Variants in PRKN observed in about 807,000 individuals in gnomAD.
PRKN encodes the protein E3 ubiquitin-protein ligase parkin.
A neutral mutation model predicts 59.5 loss-of-function variants in PRKN; 56 were observed. The observed-to-expected ratio is 0.94, with a 90% CI of 0.76 to 1.18. The LOEUF is 1.18. Ranked by LOEUF, PRKN falls within the 50% of genes most tolerant of loss-of-function variation. PRKN has a pLI of 0.00. For synonymous variants in PRKN, 250 were observed against 222.1 expected (o/e 1.13, Z -1.12); for missense variants, 657 against 596.4 (o/e 1.10, Z -1.06).
rs1331123126 is a variant in PRKN, at chr6:161,428,312, T to C, written c.1084-41435A>G. 3.3e-5 allele frequency among the ~76,000 whole-genome samples: 5 copies of C among 152,156 alleles called. No individual in the cohort carries two copies. Among genetic ancestry groups the C allele is most frequent in the Admixed American group, 3.3e-4 (5 of 15,276 alleles). ...CTGCTACCTGATATTGAGGAAGGTA[T>C]AAGGTGTCAGATTCCTGCTGGGACT... On this transcript the variant is annotated intron_variant, in intron 9 of 11. Coordinates refer to ENST00000366898, the MANE Select transcript of PRKN (RefSeq NM_004562.3). The surrounding 1 kb of genome is among the most constrained non-coding windows in gnomAD (Gnocchi z 4.0).
At chr6:161,792,491 G>A (rs911665696) in intron 6 of PRKN, among the ~76,000 whole-genome samples, 19 of 152,178 alleles carry the variant, frequency 1.2e-4, no homozygotes, top group African/African-American at 4.6e-4. Flanking sequence ...CCAGTGGAAA[G>A]CAAAGTTATT....
intron 1 of PRKN, among the ~76,000 whole-genome samples, chr6:162,700,797 C>T (rs980242394): frequency 1.3e-4 from 20 of 151,894 alleles, no homozygotes; most frequent in Admixed American, 6.6e-5. Flanking sequence ...TTTCTCTCAA[C>T]TTAAAAAAGC....
At chr6:161,992,853 G>T (rs1440216679) in intron 5 of PRKN, among the ~76,000 whole-genome samples, 1 of 152,130 alleles carries the variant, frequency 6.6e-6, no homozygotes, top group Admixed American at 6.5e-5. Flanking sequence ...GCTCCTGAAT[G>T]ACCATTAGGT....
At chr6:162,630,465 A>G (rs966978869) in intron 1 of PRKN, among the ~76,000 whole-genome samples, 1 of 152,094 alleles carries the variant, frequency 6.6e-6, no homozygotes, top group Admixed American at 6.6e-5. Context: ...ATTAACATCA[A>G]TCGTTGACAA....
In PRKN at chr6:162,658,764, C is replaced by T. The variant is rs144592519; in HGVS notation, c.7+68898G>A. On this transcript the variant is annotated intron_variant, in intron 1 of 11. Transcript: ENST00000366898. ...ATCTGAACTTAAATCATCTACACAT[C>T]CCATTCTAAGCACTAACTAGGTACT... Among the ~76,000 whole-genome samples, 745 of 151,036 alleles carry T rather than the reference C, an allele frequency of 4.9e-3. 6 individuals carry two copies. The highest frequency in any genetic ancestry group is 9.4e-3 in the Non-Finnish European group (634 of 67,742).
In PRKN at chr6:161,414,984, G is replaced by T. The variant is rs1583038090; in HGVS notation, c.1084-28107C>A. On this transcript the variant is annotated intron_variant, in intron 9 of 11. Transcript: ENST00000366898. This position sits in a 1 kb window ranked among gnomAD's most constrained non-coding sequence, Gnocchi z 5.3. The stretch of plus-strand genomic sequence containing the variant: ...TGGCAGCTCCTCAGAGGGAAGGACG[G>T]AGCCTGCCATTCTGCGGAGCGTCAC... 6.6e-6 allele frequency among the ~76,000 whole-genome samples: 1 copy of T among 152,184 alleles called. No individual in the cohort carries two copies. The highest frequency in any genetic ancestry group is 2.1e-4 in the South Asian group (1 of 4,828).
intron 6 of PRKN, among the ~76,000 whole-genome samples, chr6:161,899,174 A>T (rs570875338): frequency 6.6e-6 from 1 of 152,346 alleles, no homozygotes; most frequent in East Asian, 1.9e-4. Flanking sequence ...CCAGGCACAC[A>T]TTTCACAGAT....
At chr6:162,250,081 G>T (rs569904345) in intron 3 of PRKN, among the ~76,000 whole-genome samples, 11 of 150,862 alleles carry the variant, frequency 7.3e-5, no homozygotes, top group African/African-American at 2.7e-4. Context: ...AGGACGCAGA[G>T]GTTGCAGTGA....
intron 4 of PRKN, among the ~76,000 whole-genome samples, chr6:162,105,288 G>A (rs931772238): frequency 2.6e-5 from 4 of 152,018 alleles, no homozygotes; most frequent in African/African-American, 9.7e-5. Context: ...CTTCAAATTG[G>A]GAGAGAAATG....
chr6:162,636,610 C>G (rs1035723419), intron 1 of PRKN, among the ~76,000 whole-genome samples: 11 of 152,152 alleles, frequency 7.2e-5, no homozygotes, highest in African/African-American at 2.7e-4. Context: ...CATTAACAAC[C>G]AAGAGACAGT....
intron 1 of PRKN, among the ~76,000 whole-genome samples, chr6:162,609,996 A>G (rs764480474): frequency 6.6e-6 from 1 of 152,222 alleles, no homozygotes; most frequent in Non-Finnish European, 1.5e-5. Flanking sequence ...TTCCATAGTG[A>G]TACTTTGAAA....
At chr6:161,722,799 A>G (rs543181743) in intron 7 of PRKN, among the ~76,000 whole-genome samples, 2 of 152,240 alleles carry the variant, frequency 1.3e-5, no homozygotes, top group South Asian at 4.2e-4. Context: ...TTGGTCTTGC[A>G]TTTTTACAAT....
chr6:162,557,196 C>T (rs897062853), intron 1 of PRKN, among the ~76,000 whole-genome samples: 2 of 152,224 alleles, frequency 1.3e-5, no homozygotes, highest in Non-Finnish European at 2.9e-5. Flanking sequence ...CTTTCAAATT[C>T]ATAATAAATG....
intron 3 of PRKN, among the ~76,000 whole-genome samples, chr6:162,235,967 A>AAGAAAGAAAGAAAGAAAG (rs1778666400): frequency 2.0e-5 from 2 of 101,592 alleles, no homozygotes; most frequent in African/African-American, 7.9e-5. Context: ...GGAAGAAAGA[A>AAGAAAGAAAGAAAGAAAG]AGAAAGAAAG....
At chr6:162,122,756 A>ATCTG (rs1554274015) in intron 4 of PRKN, among the ~76,000 whole-genome samples, 1 of 144,542 alleles carries the variant, frequency 6.9e-6, no homozygotes, top group Admixed American at 6.9e-5. Context: ...CTATCTATCT[A>ATCTG]TCTCTGATAT....
chr6:162,330,712 T>C, intron 2 of PRKN, among the ~76,000 whole-genome samples: 1 of 152,200 alleles, frequency 6.6e-6, no homozygotes, highest in Non-Finnish European at 1.5e-5. Context: ...TTAAGTGAAG[T>C]TCTGGAAGTT....
chr6:162,613,699 C>T (rs1782284522), intron 1 of PRKN, among the ~76,000 whole-genome samples: 1 of 152,092 alleles, frequency 6.6e-6, no homozygotes. Flanking sequence ...AAAATATACA[C>T]AAATTTTGAA....
chr6:161,751,707 C>T (rs1014584446), intron 7 of PRKN, among the ~76,000 whole-genome samples: 6 of 152,174 alleles, frequency 3.9e-5, no homozygotes, highest in Admixed American at 2.6e-4. Context: ...ATTACACGAT[C>T]CCTGCCTTCT....
chr6:162,644,360 G>A (rs1176275467), intron 1 of PRKN, among the ~76,000 whole-genome samples: 1 of 152,116 alleles, frequency 6.6e-6, no homozygotes, highest in Admixed American at 6.5e-5. Flanking sequence ...AGGGTCAAAG[G>A]TTAACATGTA....
Sources: allele counts gnomAD v4.1 joint callset (sites outside exome capture counted in the v4.1 genomes callset), GRCh38; gene constraint gnomAD v4.1.1; non-coding constraint Gnocchi (gnomAD v3.1); transcripts MANE v1.5; gene names NCBI Gene and HGNC (gene_info 2026-07-23, HGNC 2026-07-21).